Variants in DOCK4 observed in about 807,000 individuals in gnomAD.
The protein encoded by DOCK4 is dedicator of cytokinesis 4, also known as dedicator of cytokinesis protein 4.
A neutral mutation model predicts 268.1 loss-of-function variants in DOCK4; 97 were observed. The ratio of observed to expected loss-of-function variants is 0.36; its 90% CI spans 0.31 to 0.43. The LOEUF (loss-of-function observed/expected upper bound fraction) is 0.43, where lower values mean the gene tolerates loss of function less well. Among genes scored for constraint, DOCK4 ranks in the 20% least tolerant of loss-of-function variants. DOCK4 has a pLI of 1.00. For missense variants in DOCK4, 2,145 were observed against 2,455.7 expected, an observed-to-expected ratio of 0.87 and a Z score of 2.67; for synonymous variants, 954 against 887.2, an observed-to-expected ratio of 1.08 and a Z score of -1.34.
chr7:112,089,224 T>C (rs1809399713), intron 1 of DOCK4, among the ~76,000 whole-genome samples: 1 of 152,146 alleles, frequency 6.6e-6, no homozygotes, highest in Non-Finnish European at 1.5e-5. Flanking sequence ...CTCCAGAAGG[T>C]TGATGCCTGA....
In DOCK4 at chr7:111,728,171, G is replaced by A. The variant is rs1469623277; in HGVS notation, c.*103C>T. 1 of 833,394 alleles carries A rather than the reference G, an allele frequency of 1.2e-6. No homozygotes were observed. The highest frequency in any genetic ancestry group is 1.7e-6 in the Non-Finnish European group (1 of 605,734). 51.6% of individuals were successfully genotyped at this position (833,394 alleles called of 1,614,324 possible). A position where few individuals can be genotyped will look rare whatever the true frequency, so the allele number is the denominator to read the frequency against. On this transcript the variant is annotated 3_prime_UTR_variant, in exon 53 of 53. Coordinates refer to ENST00000428084, the MANE Select transcript of DOCK4 (RefSeq NM_001363540.2). ...CAAGTTTTAATTCCATTCATCGAAGGAGCTGAGTAAGTTATTAAAGTGCCT... is the reference window on the plus strand; with the variant it reads ...CAAGTTTTAATTCCATTCATCGAAGAAGCTGAGTAAGTTATTAAAGTGCCT...
chr7:112,169,465 T>C (rs1817890699), intron 1 of DOCK4, among the ~76,000 whole-genome samples: 1 of 152,246 alleles, frequency 6.6e-6, no homozygotes, highest in Non-Finnish European at 1.5e-5. Context: ...ATCTGAGGGA[T>C]AAAATTGAGA....
intron 30 of DOCK4, among the ~76,000 whole-genome samples, chr7:111,802,379 A>G (rs1480314604): frequency 6.6e-6 from 1 of 152,224 alleles, no homozygotes; most frequent in East Asian, 1.9e-4. Flanking sequence ...GTCCAGCCAC[A>G]GAGGCTGTGC....
intron 35 of DOCK4, among the ~76,000 whole-genome samples, chr7:111,781,121 G>C (rs763828429): frequency 1.2e-4 from 18 of 152,118 alleles, no homozygotes; most frequent in African/African-American, 1.7e-4. Context: ...ATGAACATAA[G>C]GTCTATATTT....
At position 111,762,762 on chromosome 7, in the gene DOCK4, C is replaced by CTTTTTTTTTTTTT. The variant is rs869052136; in HGVS notation, c.4020+2343_4020+2355dup. On this transcript the variant is annotated intron_variant, in intron 39 of 52. Transcript: ENST00000428084. ...TAAATAACCCATTTTGTTTTGTTTT[C>CTTTTTTTTTTTTT]TTTTTTTTTTTTTTTTTTTTTTTTG... 1.8e-3 allele frequency among the ~76,000 whole-genome samples: 112 copies of CTTTTTTTTTTTTT among 63,068 alleles called. 16 individuals carry two copies. The highest frequency in any genetic ancestry group is 4.1e-3 in the African/African-American group (75 of 18,374). The allele number at this position is 63,068 out of a possible 152,430, so 41.4% of individuals were successfully genotyped here. A position where few individuals can be genotyped will look rare whatever the true frequency, so the allele number is the denominator to read the frequency against.
intron 10 of DOCK4, among the ~76,000 whole-genome samples, chr7:111,943,824 G>A (rs1795395239): frequency 6.6e-6 from 1 of 152,214 alleles, no homozygotes; most frequent in Non-Finnish European, 1.5e-5. Context: ...GAAAATCTAT[G>A]CGGGAATAAA....
At chr7:111,908,473 T>TAATAATAAC (rs1791800997) in intron 13 of DOCK4, among the ~76,000 whole-genome samples, 1 of 151,658 alleles carries the variant, frequency 6.6e-6, no homozygotes, top group Admixed American at 6.6e-5. Flanking sequence ...ATAATAATAA[T>TAATAATAAC]AATAATAATG....
intron 27 of DOCK4, chr7:111,819,263 T>G (rs1438318201): frequency 6.6e-6 from 1 of 152,200 alleles, no homozygotes; most frequent in African/African-American, 2.4e-5. Flanking sequence ...TGTGACTTTA[T>G]TTTTGTACTT....
At chr7:111,958,367 G>T (rs1167201429) in intron 8 of DOCK4, among the ~76,000 whole-genome samples, 2 of 152,180 alleles carry the variant, frequency 1.3e-5, no homozygotes, top group African/African-American at 2.4e-5. Flanking sequence ...AAGTCCTTGT[G>T]AGGTGGGTTG....
intron 1 of DOCK4, among the ~76,000 whole-genome samples, chr7:112,112,397 A>G (rs1811745930): frequency 6.6e-6 from 1 of 152,020 alleles, no homozygotes; most frequent in Non-Finnish European, 1.5e-5. Context: ...TAATCCCAAC[A>G]CTTTGGAAGG....
chr7:112,116,235 G>A (rs1302191977), intron 1 of DOCK4, among the ~76,000 whole-genome samples: 3 of 151,916 alleles, frequency 2.0e-5, no homozygotes, highest in African/African-American at 7.3e-5. Context: ...ACCTATTCTG[G>A]ATATTTCATA....
At chr7:111,764,300 C>T (rs1246180016) in intron 39 of DOCK4, among the ~76,000 whole-genome samples, 7 of 152,192 alleles carry the variant, frequency 4.6e-5, no homozygotes, top group Admixed American at 3.3e-4. Context: ...TCCAAGTACA[C>T]CCATCCTAGT....
intron 16 of DOCK4, among the ~76,000 whole-genome samples, chr7:111,881,729 G>A (rs1807408066): frequency 6.6e-6 from 1 of 152,164 alleles, no homozygotes; most frequent in African/African-American, 2.4e-5. Context: ...TGGATACAGT[G>A]GAGTACTATT....
chr7:112,128,614 C>T (rs1345440516), intron 1 of DOCK4, among the ~76,000 whole-genome samples: 1 of 152,182 alleles, frequency 6.6e-6, no homozygotes, highest in Admixed American at 6.5e-5. Context: ...TGTGACCTTA[C>T]CCCCAACCCT....
chr7:111,933,004 G>A (rs73717908), intron 12 of DOCK4, among the ~76,000 whole-genome samples: 3,924 of 151,408 alleles, frequency 0.026, 167 homozygotes, highest in African/African-American at 0.09. Context: ...CTATCTTACT[G>A]AGGGGGTATT....
rs570626767 is a variant in DOCK4, at chr7:111,823,759, G to A, written c.2836-1303C>T. Among the ~76,000 whole-genome samples, 84 of 152,038 alleles carry A rather than the reference G, an allele frequency of 5.5e-4. 1 individual carries two copies. Among genetic ancestry groups the A allele is most frequent in the Non-Finnish European group, 1.0e-3 (71 of 67,994 alleles). ...CAATCTGATTGAAGATAACGATATG[G>A]TGTTGCTTCAAAAATAAAAAGCAAC... is the stretch of plus-strand genomic sequence containing the variant. On this transcript the variant is annotated intron_variant, in intron 26 of 52. Coordinates refer to ENST00000428084, the MANE Select transcript of DOCK4 (RefSeq NM_001363540.2).
At chr7:112,034,081 G>C (rs1803521948) in intron 1 of DOCK4, among the ~76,000 whole-genome samples, 1 of 152,142 alleles carries the variant, frequency 6.6e-6, no homozygotes, top group East Asian at 1.9e-4. Context: ...AGAGAGAGCT[G>C]TTCATGTGTG....
intron 17 of DOCK4, among the ~76,000 whole-genome samples, chr7:111,873,982 C>A (rs1183512687): frequency 6.6e-6 from 1 of 152,180 alleles, no homozygotes; most frequent in Non-Finnish European, 1.5e-5. Flanking sequence ...TGGGGTATGA[C>A]TGAAACCTTT....
chr7:111,836,203 T>C (rs1803227310), intron 25 of DOCK4, among the ~76,000 whole-genome samples: 2 of 138,332 alleles, frequency 1.4e-5, no homozygotes, highest in Non-Finnish European at 3.1e-5. Flanking sequence ...TAATAGAGCC[T>C]TTTTTTTTTT....
Sources: allele counts gnomAD v4.1 joint callset (sites outside exome capture counted in the v4.1 genomes callset), GRCh38; gene constraint gnomAD v4.1.1; transcripts MANE v1.5; gene names NCBI Gene and HGNC (gene_info 2026-07-23, HGNC 2026-07-21).